Variants in MCU observed in about 807,000 individuals in gnomAD.
MCU encodes calcium uniporter protein, mitochondrial.
A neutral mutation model predicts 45.2 loss-of-function variants in MCU; 12 were observed. The observed-to-expected ratio is 0.27, with a 90% CI of 0.17 to 0.43. The LOEUF is 0.43. Among genes scored for constraint, MCU ranks in the 20% least tolerant of loss-of-function variants. The probability of loss-of-function intolerance (pLI) is 1.00; values close to 1 mark genes in which losing one functional copy is unlikely to be tolerated. For synonymous variants in MCU, 160 were observed against 165.1 expected (o/e 0.97, Z 0.24); for missense variants, 324 against 436.7 (o/e 0.74, Z 2.30).
chr10:72,847,503 T>C (rs891550845), intron 2 of MCU, among the ~76,000 whole-genome samples: 1 of 152,200 alleles, frequency 6.6e-6, no homozygotes, highest in Admixed American at 6.5e-5. Flanking sequence ...ATCATAGGTA[T>C]GTATGTATAG....
At chr10:72,776,257 C>A (rs965078890) in intron 1 of MCU, among the ~76,000 whole-genome samples, 1 of 151,880 alleles carries the variant, frequency 6.6e-6, no homozygotes, top group Non-Finnish European at 1.5e-5. Context: ...CAGATAAGGA[C>A]CCAAGAAAAG....
In MCU at chr10:72,817,782, CTG is replaced by C. The variant is rs1308944262; in HGVS notation, c.151-16573_151-16572del. ...ACAAGTATTTTAAATGTTATTAAAACTGTGTCTTATTTTGTATTAGTAAAGTA... is the reference window on the plus strand; with the variant it reads ...ACAAGTATTTTAAATGTTATTAAAACTGTCTTATTTTGTATTAGTAAAGTA... On this transcript the variant is annotated intron_variant, in intron 1 of 7. Coordinates refer to ENST00000373053, the MANE Select transcript of MCU (RefSeq NM_138357.3). Among the ~76,000 whole-genome samples, 26 of 152,304 alleles carry C rather than the reference CTG, an allele frequency of 1.7e-4. No homozygotes were observed. The East Asian group carries it at 4.4e-3, about 26-fold the overall frequency.
chr10:72,770,578 A>G (rs1447745999), intron 1 of MCU, among the ~76,000 whole-genome samples: 2 of 152,082 alleles, frequency 1.3e-5, no homozygotes, highest in Non-Finnish European at 2.9e-5. Flanking sequence ...TACACCTTTT[A>G]AAGACACCAA....
rs200952818 is a variant in MCU at position 72,801,353 on chromosome 10, CTTT to C, written c.151-32990_151-32988del. 5.8e-3 allele frequency among the ~76,000 whole-genome samples: 582 copies of C among 100,396 alleles called. 2 individuals carry two copies. The highest frequency in any genetic ancestry group is 0.018 in the African/African-American group (532 of 29,742). 65.9% of individuals were successfully genotyped at this position (100,396 alleles called of 152,430 possible). ...AGATAGTATTAACTCATAATGCTTT[CTTT>C]TTTTTTTTTTTTTTTGCTGAAAGTA... On this transcript the variant is annotated intron_variant, in intron 1 of 7. Transcript: ENST00000373053.
intron 3 of MCU, 93 bp downstream of exon 3, chr10:72,859,440 A>C: frequency 6.6e-6 from 8 of 1,220,792 alleles, no homozygotes; most frequent in Non-Finnish European, 9.2e-6. Flanking sequence ...GTAGCTACAA[A>C]AGAACCCTAT....
At chr10:72,725,121 C>A (rs1306220958) in intron 1 of MCU, among the ~76,000 whole-genome samples, 1 of 151,956 alleles carries the variant, frequency 6.6e-6, no homozygotes, top group Non-Finnish European at 1.5e-5. Context: ...CACGCCACCA[C>A]ACCTGGCTAA....
chr10:72,825,856 T>A (rs1464381164), intron 1 of MCU, among the ~76,000 whole-genome samples: 1 of 152,216 alleles, frequency 6.6e-6, no homozygotes, highest in Non-Finnish European at 1.5e-5. Flanking sequence ...GTGTGTTGTA[T>A]AACCCGTGCA....
At chr10:72,873,923 G>C (rs1416044372) in intron 6 of MCU, among the ~76,000 whole-genome samples, 2 of 152,106 alleles carry the variant, frequency 1.3e-5, no homozygotes, top group African/African-American at 2.4e-5. Context: ...TGCTTGGATT[G>C]ATATCTGGAT....
At chr10:72,741,200 A>G (rs1843326726) in intron 1 of MCU, among the ~76,000 whole-genome samples, 1 of 151,150 alleles carries the variant, frequency 6.6e-6, no homozygotes, top group South Asian at 2.1e-4. Context: ...CCTGGGTTCA[A>G]GTGATTCCCC....
chr10:72,747,791 A>G lies in MCU; in HGVS notation c.150+55490A>G, dbSNP rs112706684. On this transcript the variant is annotated intron_variant, in intron 1 of 7. Transcript: ENST00000373053. ...GTCGCAGCTGCAGTGAGCCATGATC[A>G]TGCCACTGGCTTGACAGAACGAGAT... Among the ~76,000 whole-genome samples, 999 of 152,230 alleles carry G rather than the reference A, an allele frequency of 6.6e-3. 9 individuals are homozygous for G. Among genetic ancestry groups the G allele is most frequent in the African/African-American group, 0.023 (952 of 41,542 alleles).
At chr10:72,847,410 T>G (rs1400290399) in intron 2 of MCU, among the ~76,000 whole-genome samples, 1 of 152,166 alleles carries the variant, frequency 6.6e-6, no homozygotes, top group African/African-American at 2.4e-5. Flanking sequence ...CATAAAGGGT[T>G]GCAACCTTCA....
At chr10:72,696,907 C>T (rs1842694927) in intron 1 of MCU, among the ~76,000 whole-genome samples, 1 of 152,152 alleles carries the variant, frequency 6.6e-6, no homozygotes, top group Non-Finnish European at 1.5e-5. Context: ...GTATATTACA[C>T]TTCTTTATGG....
intron 4 of MCU, among the ~76,000 whole-genome samples, 174 bp from the exon 5 acceptor site, chr10:72,868,529 G>A (rs1270584882): frequency 6.7e-6 from 1 of 150,274 alleles, no homozygotes; most frequent in Non-Finnish European, 1.5e-5. Flanking sequence ...TCCAGCCTGG[G>A]TGATAGAGTA....
At chr10:72,771,564 T>A (rs991253028) in intron 1 of MCU, among the ~76,000 whole-genome samples, 2 of 152,216 alleles carry the variant, frequency 1.3e-5, no homozygotes, top group Non-Finnish European at 2.9e-5. Context: ...AAGTCCACTT[T>A]GCTGAATATA....
intron 1 of MCU, among the ~76,000 whole-genome samples, chr10:72,707,546 A>G (rs903367942): frequency 1.3e-5 from 2 of 151,810 alleles, no homozygotes; most frequent in African/African-American, 4.8e-5. Flanking sequence ...CCATCACAGA[A>G]TATTTTTATT....
At chr10:72,801,064 G>T (rs966109685) in intron 1 of MCU, among the ~76,000 whole-genome samples, 4 of 152,116 alleles carry the variant, frequency 2.6e-5, no homozygotes, top group African/African-American at 9.7e-5. Context: ...CTGCACCCCA[G>T]CCTGAACGAT....
intron 1 of MCU, chr10:72,692,819 T>C: frequency 1.4e-6 from 2 of 1,420,850 alleles, no homozygotes; most frequent in South Asian, 3.1e-5. Context: ...CCCCTCGTCC[T>C]CTCTCGTCCC....
At chr10:72,769,704 A>G (rs1478971160) in intron 1 of MCU, among the ~76,000 whole-genome samples, 1 of 152,146 alleles carries the variant, frequency 6.6e-6, no homozygotes, top group Non-Finnish European at 1.5e-5. Context: ...AGCCTTTACC[A>G]CAATCAAGTT....
At position 72,713,440 on chromosome 10, in the gene MCU, C is replaced by T. The variant is rs558215737; in HGVS notation, c.150+21139C>T. ...GATTACAGGTGCCTGCCACCAGGCC[C>T]GGCTAGTTTTAGTATTTTTAGTAGA... is the stretch of plus-strand genomic sequence containing the variant. On this transcript the variant is annotated intron_variant, in intron 1 of 7. Coordinates refer to ENST00000373053, the MANE Select transcript of MCU (RefSeq NM_138357.3). Among the ~76,000 whole-genome samples the T allele has an allele frequency of 2.2e-4, 34 of 152,050 alleles. 1 individual carries two copies. The South Asian group carries it at 6.5e-3, about 29-fold the overall frequency.
Sources: gnomAD v4.1 joint callset for allele counts (sites outside exome capture counted in the v4.1 genomes callset) on GRCh38, gnomAD v4.1.1 for gene constraint, MANE v1.5 for transcripts, NCBI Gene and HGNC (gene_info 2026-07-23, HGNC 2026-07-21) for gene names.